The following ADD1 variants were observed in gnomAD, a reference collection of about 807,000 sequenced individuals.
The protein encoded by ADD1 is adducin 1.
ADD1 carries 24 observed loss-of-function variants against 80.5 expected under a neutral mutation model. The ratio of observed to expected loss-of-function variants is 0.30; its 90% CI spans 0.22 to 0.42. ADD1 has a LOEUF of 0.42. Among genes scored for constraint, ADD1 ranks in the 10% least tolerant of loss-of-function variants. ADD1 has a pLI of 1.00. For missense variants in ADD1, 948 were observed against 1,019.0 expected (o/e 0.93, Z 0.95); for synonymous variants, 373 against 393.8 (o/e 0.95, Z 0.63).
intron 4 of ADD1, among the ~76,000 whole-genome samples, chr4:2,887,152 C>G (rs1733513176): frequency 6.6e-6 from 1 of 152,100 alleles, no homozygotes; most frequent in Non-Finnish European, 1.5e-5. Flanking sequence ...AAAATGTTTC[C>G]TATGTCTTAT....
intron 15 of ADD1, 32 bp from the exon 16 acceptor site, chr4:2,928,139 C>T (rs1385202378): frequency 6.3e-7 from 1 of 1,598,510 alleles, no homozygotes; most frequent in South Asian, 1.1e-5. Context: ...TGGGCAGGAA[C>T]CCTTAATCCC....
chr4:2,878,482 A>G (rs183792083), intron 2 of ADD1, among the ~76,000 whole-genome samples: 11 of 152,338 alleles, frequency 7.2e-5, no homozygotes, highest in Admixed American at 7.2e-4. Context: ...ACGTAAAAAC[A>G]ACAAGAAGCT....
chr4:2,857,196 G>A (rs780772177), intron 1 of ADD1, among the ~76,000 whole-genome samples: 2 of 152,180 alleles, frequency 1.3e-5, no homozygotes, highest in Non-Finnish European at 2.9e-5. Context: ...ACAGACGTGA[G>A]CCACCACACC....
rs374634966 is a variant in ADD1, at chr4:2,898,271, C to G, written c.829C>G (p.Leu277Val). 10 of 1,614,068 alleles carry G rather than the reference C, an allele frequency of 6.2e-6. No individual in the cohort carries two copies. Among genetic ancestry groups the G allele is most frequent in the Non-Finnish European group, 7.6e-6 (9 of 1,180,044 alleles). The change falls in exon 7 of 16, where the codon CTG (leucine) becomes GTG (valine). Residue 277 changes from leucine (L) to valine (V), a missense_variant. Transcript: ENST00000683351. ...GGCTTATCATGACTACCATGGCATT[C>G]TGGTTGATGAAGAGGAAAAAGTTTT... ...EVAYHDYHGI[L>V]VDEEEKVLIQ...
intron 2 of ADD1, among the ~76,000 whole-genome samples, chr4:2,878,076 G>A (rs1006365912): frequency 6.6e-6 from 1 of 152,204 alleles, no homozygotes; most frequent in African/African-American, 2.4e-5. Context: ...AGTGTGGTTC[G>A]GCCTGGGAGT....
chr4:2,909,152 G>C lies in ADD1; in HGVS notation c.1699-187G>C, dbSNP rs1737569957. ...CCTGACTCTGCAGGGGTAGACGATT[G>C]TTGGATTTGTCCAGCCGTGGTCCTG... On this transcript the variant is annotated intron_variant, in intron 12 of 15. Coordinates refer to ENST00000683351, the MANE Select transcript of ADD1 (RefSeq NM_001354761.2). 1.2e-5 allele frequency: 7 copies of C among 602,146 alleles called. 1 individual carries two copies. The South Asian group carries it at 1.4e-4, about 12-fold the overall frequency. 37.3% of individuals were successfully genotyped at this position (602,146 alleles called of 1,614,324 possible). A position where few individuals can be genotyped will look rare whatever the true frequency, so the allele number is the denominator to read the frequency against.
intron 1 of ADD1, among the ~76,000 whole-genome samples, chr4:2,859,703 A>G (rs1263360): frequency 0.52 from 78,878 of 152,052 alleles, 20,852 homozygotes; most frequent in African/African-American, 0.6. Flanking sequence ...CCAAAAGGAA[A>G]TGAAACTTTT....
intron 2 of ADD1, among the ~76,000 whole-genome samples, chr4:2,878,852 G>A (rs1408181640): frequency 6.6e-6 from 1 of 152,154 alleles, no homozygotes; most frequent in African/African-American, 2.4e-5. Context: ...ATGGATCTAA[G>A]CCAGTGAGGG....
chr4:2,904,736 ACTGT>A (rs777519065), intron 9 of ADD1, 24 bp from the exon 10 acceptor site: 3 of 1,580,114 alleles, frequency 1.9e-6, no homozygotes, highest in Non-Finnish European at 2.6e-6. Context: ...TGGAATATTG[ACTGT>A]CTTTCACTCT....
Position 2,926,068 on chromosome 4 carries a change from C to T in ADD1, c.2003C>T (p.Ala668Val), listed in dbSNP as rs769299659. The T allele has an allele frequency of 2.7e-5, 43 of 1,613,984 alleles. No individual in the cohort carries two copies. The highest frequency in any genetic ancestry group is 3.3e-4 in the Middle Eastern group (2 of 6,084). ...GAAAAGAGTCCTCCAGACCAGCCTG[C>T]GGTCCCCCACCCGCCTCCCAGCACT... ...QKEKSPPDQP[A>V]VPHPPPSTPI... Residue 668 changes from alanine to valine, a missense_variant, in exon 15 of 16, where the codon GCG becomes GTG. Transcript: ENST00000683351. The surrounding 1 kb of genome is among the most constrained non-coding windows in gnomAD (Gnocchi z 5.0).
intron 12 of ADD1, chr4:2,908,865 A>G (rs1577675138): frequency 1.9e-6 from 1 of 521,758 alleles, no homozygotes; most frequent in South Asian, 2.2e-5. Flanking sequence ...CACATACACC[A>G]CCAGCTTTGG....
intron 8 of ADD1, 180 bp downstream of exon 8, chr4:2,898,711 C>A (rs967964512): frequency 1.9e-5 from 12 of 620,158 alleles, no homozygotes; most frequent in Non-Finnish European, 3.4e-5. Context: ...TTGAAGTTGG[C>A]AAAGGATTAC....
At chr4:2,857,270 T>C (rs1000035585) in intron 1 of ADD1, among the ~76,000 whole-genome samples, 8 of 152,184 alleles carry the variant, frequency 5.3e-5, no homozygotes, top group African/African-American at 1.7e-4. Flanking sequence ...ATCTAAGCTG[T>C]TACTCATTTT....
intron 13 of ADD1, among the ~76,000 whole-genome samples, chr4:2,914,388 C>G (rs1282150457): frequency 6.6e-6 from 1 of 152,244 alleles, no homozygotes; most frequent in Non-Finnish European, 1.5e-5. Flanking sequence ...GCTCCAGGAA[C>G]TAGTTACAAA....
chr4:2,927,208 C>G (rs1223484975), intron 15 of ADD1, among the ~76,000 whole-genome samples: 2 of 152,222 alleles, frequency 1.3e-5, no homozygotes, highest in East Asian at 3.9e-4. Context: ...CACACCATGC[C>G]CAGCAGAGCG....
At chr4:2,923,468 C>T (rs1053525988) in intron 14 of ADD1, among the ~76,000 whole-genome samples, 3 of 152,242 alleles carry the variant, frequency 2.0e-5, no homozygotes, top group Non-Finnish European at 4.4e-5. Flanking sequence ...TGGGCTGCAC[C>T]CACTGTCTAA....
intron 1 of ADD1, among the ~76,000 whole-genome samples, chr4:2,873,542 G>A (rs1260419908): frequency 6.6e-6 from 1 of 152,110 alleles, no homozygotes; most frequent in Admixed American, 6.5e-5. Flanking sequence ...TTGTAACTAG[G>A]GGAAAGTAAT....
chr4:2,843,914 G>T lies in ADD1; in HGVS notation c.-131G>T, dbSNP rs1725761551. On this transcript the variant is annotated 5_prime_UTR_variant, in exon 1 of 16. Transcript: ENST00000683351. The stretch of plus-strand genomic sequence containing the variant: ...GGGCTGAGGGGCGGAGAGGCCTGGC[G>T]GGCCGCTGCTGCGGGCCAGGGGACG... The T allele has an allele frequency of 6.5e-6, 1 of 152,710 alleles. No homozygotes were observed. The highest frequency in any genetic ancestry group is 2.4e-5 in the African/African-American group (1 of 41,398). 9.5% of individuals were successfully genotyped at this position (152,710 alleles called of 1,614,324 possible).
chr4:2,911,731 T>G (rs1441413367), intron 13 of ADD1, among the ~76,000 whole-genome samples: 1 of 152,142 alleles, frequency 6.6e-6, no homozygotes, highest in Non-Finnish European at 1.5e-5. Context: ...GCTGGGATTA[T>G]AGGGTGTGAG....
Sources: gnomAD v4.1 joint callset for allele counts (sites outside exome capture counted in the v4.1 genomes callset) on GRCh38, gnomAD v4.1.1 for gene constraint, Gnocchi (gnomAD v3.1) non-coding constraint, MANE v1.5 for transcripts, NCBI Gene and HGNC (gene_info 2026-07-23, HGNC 2026-07-21) for gene names.